The following ARNT variants were observed in gnomAD, a reference collection of about 807,000 sequenced individuals.
ARNT encodes the protein aryl hydrocarbon receptor nuclear translocator, also known as class E basic helix-loop-helix protein 2.
A neutral mutation model predicts 105.0 loss-of-function variants in ARNT; 30 were observed. That is an observed-to-expected ratio of 0.29 (90% CI 0.21 to 0.39). The LOEUF (loss-of-function observed/expected upper bound fraction) is 0.39. ARNT is among the 10% of genes least tolerant of loss of function. The pLI is 1.00. For missense variants in ARNT, 748 were observed against 978.7 expected, an observed-to-expected ratio of 0.76 and a Z score of 3.15; for synonymous variants, 304 against 344.0, an observed-to-expected ratio of 0.88 and a Z score of 1.29.
At chr1:150,826,667 G>C (rs1407521724) in intron 12 of ARNT, 50 bp from the exon 13 acceptor site, 2 of 1,393,346 alleles carry the variant, frequency 1.4e-6, no homozygotes, top group Non-Finnish European at 2.0e-6. Flanking sequence ...TTTTTAAGAT[G>C]GAGTTTCGCT....
intron 1 of ARNT, among the ~76,000 whole-genome samples, chr1:150,864,865 A>G (rs1472382920): frequency 2.0e-5 from 3 of 148,018 alleles, no homozygotes; most frequent in Non-Finnish European, 4.5e-5. Context: ...GAAGAAAACA[A>G]AATGGTTTTC....
chr1:150,810,650 A>G lies in ARNT; in HGVS notation c.*1371T>C, dbSNP rs941733714. ...GCCAATTTAAAAAAAAAAAAAAAAA[A>G]GCTGGTATCTACGACTGTTACCTGA... On this transcript the variant is annotated 3_prime_UTR_variant, in exon 22 of 22. Transcript: ENST00000358595. The G allele has an allele frequency of 5.2e-5, 11 of 210,470 alleles. No homozygotes were observed. The highest frequency in any genetic ancestry group is 9.6e-5 in the Non-Finnish European group (10 of 103,816). The allele number at this position is 210,470 out of a possible 1,614,324, so 13.0% of individuals were successfully genotyped here. A position where few individuals can be genotyped will look rare whatever the true frequency, so the allele number is the denominator to read the frequency against.
rs773231217 is a variant in ARNT at position 150,813,284 on chromosome 1, A to G, written c.2168T>C (p.Val723Ala). The stretch of plus-strand genomic sequence containing the variant: ...GCCCTGCCACTGTGGCCAGACACCC[A>G]CACCCTCTGCTGTCCGTGTCTGGAA... ...GQFQTRTAEG[V>A]GVWPQWQGQQ... is the part of the protein sequence containing the mutation. Residue 723 changes from valine to alanine, a missense_variant, in exon 21 of 22, where the codon GTG becomes GCG. By Grantham distance (64) the Val-to-Ala change is moderately conservative (BLOSUM62 0). Coordinates refer to ENST00000358595, the MANE Select transcript of ARNT (RefSeq NM_001668.4). 2 of 1,613,836 alleles carry G rather than the reference A, an allele frequency of 1.2e-6. No individual in the cohort carries two copies. Among genetic ancestry groups the G allele is most frequent in the East Asian group, 2.2e-5 (1 of 44,858 alleles).
chr1:150,860,749 G>A (rs1021894258), intron 1 of ARNT, among the ~76,000 whole-genome samples: 7 of 151,772 alleles, frequency 4.6e-5, no homozygotes, highest in Admixed American at 1.3e-4. Flanking sequence ...CCAGCTACTC[G>A]GGAAGCTGAG....
chr1:150,839,690 T>A (rs1660926642), intron 5 of ARNT, 36 bp from the exon 6 acceptor site: 1 of 1,577,408 alleles, frequency 6.3e-7, no homozygotes, highest in East Asian at 2.3e-5. Context: ...ATCCAGGTGG[T>A]CACATCTGGT....
chr1:150,844,862 T>G (rs925805216), intron 4 of ARNT, among the ~76,000 whole-genome samples: 7 of 150,694 alleles, frequency 4.6e-5, no homozygotes, highest in Non-Finnish European at 1.5e-5. Context: ...CAGGCTGGAG[T>G]GCAATGGTGC....
chr1:150,817,878 C>G (rs375762141), intron 15 of ARNT, 42 bp downstream of exon 15: 1 of 1,493,718 alleles, frequency 6.7e-7, no homozygotes, highest in Non-Finnish European at 9.2e-7. Flanking sequence ...TGACCACCCC[C>G]TGGGTGACTG....
At chr1:150,852,052 A>AC (rs1663710924) in intron 3 of ARNT, among the ~76,000 whole-genome samples, 1 of 67,900 alleles carries the variant, frequency 1.5e-5, no homozygotes, top group African/African-American at 4.1e-5. Context: ...CAAAAAAAAA[A>AC]AAAACAAAAA....
chr1:150,832,337 C>A lies in ARNT; in HGVS notation c.866G>T (p.Cys289Phe), dbSNP rs143275383. The change falls in exon 9 of 22, where the codon TGC becomes TTC. Residue 289 changes from cysteine (C) to phenylalanine (F), a missense_variant. Cys to Phe is a radical substitution (Grantham distance 205). Around this residue, in one of 4 missense-constraint regions of ARNT, gnomAD observed 291 missense variants for 444.6 expected, o/e 0.65. Coordinates refer to ENST00000358595, the MANE Select transcript of ARNT (RefSeq NM_001668.4). Reference sequence around the variant, plus strand: ...TTTTCACCACTTAGGATCTCACCTGCATCTGTTCCTCACAAAGCTCAGCCT... The same window carrying A: ...TTTTCACCACTTAGGATCTCACCTGAATCTGTTCCTCACAAAGCTCAGCCT... ...VNRLSFVRNR[C>F]RNGLGSVKDG... 277 of 1,614,092 alleles carry A rather than the reference C, an allele frequency of 1.7e-4. 1 individual carries two copies. In the African/African-American group the frequency reaches 3.4e-3, roughly 20 times the overall value.
intron 1 of ARNT, among the ~76,000 whole-genome samples, chr1:150,868,917 T>A (rs1000732224): frequency 3.2e-4 from 45 of 140,422 alleles, no homozygotes; most frequent in African/African-American, 9.2e-4. Flanking sequence ...TAATAAAATT[T>A]AAAAAAAAAA....
Position 150,834,552 on chromosome 1 carries a change from A to C in ARNT, c.789T>G (p.Phe263Leu), listed in dbSNP as rs1659935141. ...TTGACACTCACCTCATTCGGCAAAT[A>C]AACGATCTCCTTGAGCCCATACACA... ...MRMCMGSRRS[F>L]ICRMRCGSSS... is the part of the protein sequence containing the mutation. The change falls in exon 8 of 22, where the codon TTT (phenylalanine) becomes TTG (leucine). Residue 263 changes from phenylalanine to leucine, a missense_variant. Physicochemically the swap from Phe to Leu is conservative, Grantham distance 22 (BLOSUM62 0). Transcript: ENST00000358595. 1.2e-6 allele frequency: 2 copies of C among 1,613,988 alleles called. No individual in the cohort carries two copies. The highest frequency in any genetic ancestry group is 8.5e-7 in the Non-Finnish European group (1 of 1,179,920).
In ARNT at chr1:150,836,380, T is replaced by C; in HGVS notation, c.600A>G (p.Pro200=). The C allele has an allele frequency of 6.2e-7, 1 of 1,614,172 alleles. No homozygotes were observed. The highest frequency in any genetic ancestry group is 1.7e-5 in the Admixed American group (1 of 60,004). Residue 200 remains proline (P), a synonymous_variant, in exon 7 of 22, where the codon CCA becomes CCG. Transcript: ENST00000358595. ...GTGTGCTGCCAAACCATTCAGACTGTGGCTGGTTCAAAACAGGAGTCACGG... is the reference window on the plus strand; with the variant it reads ...GTGTGCTGCCAAACCATTCAGACTGCGGCTGGTTCAAAACAGGAGTCACGG... ...SDSVTPVLNQ[P]QSEWFGSTLY...
intron 6 of ARNT, among the ~76,000 whole-genome samples, chr1:150,837,875 C>T (rs1368770055): frequency 1.3e-5 from 2 of 152,018 alleles, no homozygotes; most frequent in Admixed American, 6.6e-5. Flanking sequence ...AAAAAACCTG[C>T]CGTGCTCTTC....
chr1:150,859,085 T>TAAA (rs951770904), intron 1 of ARNT, among the ~76,000 whole-genome samples: 1 of 151,446 alleles, frequency 6.6e-6, no homozygotes, highest in Non-Finnish European at 1.5e-5. Flanking sequence ...ATACTAATTT[T>TAAA]AAAAAAATAC....
intron 11 of ARNT, 72 bp from the exon 12 acceptor site, chr1:150,829,299 G>A: frequency 6.7e-7 from 1 of 1,483,058 alleles, no homozygotes; most frequent in South Asian, 1.2e-5. Flanking sequence ...TCTCCTCATG[G>A]TCTTTTGCAT....
At position 150,831,841 on chromosome 1, in the gene ARNT, T is replaced by C. The variant is rs1176335391; in HGVS notation, c.932A>G (p.Tyr311Cys). The C allele has an allele frequency of 1.2e-6, 2 of 1,604,812 alleles. No homozygotes were observed. Among genetic ancestry groups the C allele is most frequent in the Non-Finnish European group, 1.7e-6 (2 of 1,177,548 alleles). Residue 311 changes from tyrosine to cysteine, a missense_variant, in exon 10 of 22, where the codon TAC (tyrosine) becomes TGC (cysteine). Physicochemically the swap from Tyr to Cys is radical, Grantham distance 194 (BLOSUM62 -2). Transcript: ENST00000358595. ...ACCTGCTGGGGGCCAGGCCTTGATG[T>C]AGCCTGTGCAGTGGACCACCACGAA... is the stretch of plus-strand genomic sequence containing the variant. ...PHFVVVHCTG[Y>C]IKAWPPAGVS... is the part of the protein sequence containing the mutation.
intron 2 of ARNT, among the ~76,000 whole-genome samples, chr1:150,857,289 T>C (rs936182960): frequency 2.0e-5 from 3 of 152,210 alleles, no homozygotes; most frequent in African/African-American, 4.8e-5. Context: ...AATTTTGATA[T>C]TTATAATACT....
chr1:150,825,710 G>A (rs1337129415), intron 13 of ARNT, among the ~76,000 whole-genome samples: 4 of 151,898 alleles, frequency 2.6e-5, no homozygotes, highest in Admixed American at 6.6e-5. Context: ...TTAGCTGGGC[G>A]TGGCAGCATG....
At chr1:150,876,518 G>A (rs771928461) in intron 1 of ARNT, 25 bp downstream of exon 1, 1 of 1,550,130 alleles carries the variant, frequency 6.5e-7, no homozygotes, top group South Asian at 1.2e-5. Context: ...CCCTTTAGAG[G>A]CGCCCCAGTC....
Sources: allele counts gnomAD v4.1 joint callset (sites outside exome capture counted in the v4.1 genomes callset), GRCh38; gene constraint gnomAD v4.1.1; regional missense constraint gnomAD v4.1.1; transcripts MANE v1.5; gene names NCBI Gene and HGNC (gene_info 2026-07-23, HGNC 2026-07-21).